MAP3K15: variants seen among roughly 807,000 people sequenced by gnomAD.
MAP3K15 encodes the protein mitogen-activated protein kinase kinase kinase 15, also known as MAPK/ERK kinase kinase 15.
A neutral mutation model predicts 99.5 loss-of-function variants in MAP3K15; 124 were observed. That is an observed-to-expected ratio of 1.25 (90% CI 1.08 to 1.45). The LOEUF (loss-of-function observed/expected upper bound fraction) is 1.45, where lower values mean the gene tolerates loss of function less well. MAP3K15 is among the 40% of genes most tolerant of loss of function. The probability of loss-of-function intolerance (pLI) is 0.00; values close to 1 mark genes in which losing one functional copy is unlikely to be tolerated. For synonymous variants in MAP3K15, 494 were observed against 439.6 expected, an observed-to-expected ratio of 1.12 and a Z score of -1.55; for missense variants, 1,242 against 1,079.7, an observed-to-expected ratio of 1.15 and a Z score of -2.11.
chrX:19,427,134 C>T (rs1304005534), intron 7 of MAP3K15, among the ~76,000 whole-genome samples: 1 of 102,178 alleles, frequency 9.8e-6, no homozygotes, highest in Non-Finnish European at 1.9e-5. Flanking sequence ...CCATCATGCA[C>T]ACACCTATGC....
At chrX:19,491,423 G>T (rs1429746728) in intron 1 of MAP3K15, among the ~76,000 whole-genome samples, 1 of 110,922 alleles carries the variant, frequency 9.0e-6, no homozygotes, top group Admixed American at 9.6e-5. Flanking sequence ...CAGAATGCCT[G>T]GAGGAAGGGA....
intron 25 of MAP3K15, among the ~76,000 whole-genome samples, chrX:19,363,271 T>C (rs779568900): frequency 3.6e-5 from 4 of 112,086 alleles, no homozygotes; most frequent in African/African-American, 6.5e-5. Flanking sequence ...TTCCACCATG[T>C]GAGGACACAC....
At chrX:19,437,448 C>T (rs1443994510) in intron 6 of MAP3K15, among the ~76,000 whole-genome samples, 1 of 111,612 alleles carries the variant, frequency 9.0e-6, no homozygotes, top group Non-Finnish European at 1.9e-5. Context: ...ACCTACTATG[C>T]TCCAGCTACA....
chrX:19,360,857 T>C (rs765707363), intron 28 of MAP3K15, 24 bp from the exon 29 acceptor site: 1 of 1,120,585 alleles, frequency 8.9e-7, no homozygotes, highest in Admixed American at 2.6e-5. Context: ...ACAGCTGTCT[T>C]CAGAGTCAGT....
At chrX:19,511,671 G>A (rs2064519723) in intron 1 of MAP3K15, among the ~76,000 whole-genome samples, 1 of 112,217 alleles carries the variant, frequency 8.9e-6, no homozygotes, top group Admixed American at 9.4e-5. Context: ...GGAAACAACA[G>A]ATGCTGGAGA....
intron 26 of MAP3K15, 175 bp from the exon 27 acceptor site, chrX:19,361,768 A>T: frequency 2.7e-6 from 1 of 372,129 alleles, no homozygotes. Flanking sequence ...TCTGAGATTC[A>T]CTTTCTAGAA....
chrX:19,365,813 C>T (rs1419058257), intron 25 of MAP3K15, among the ~76,000 whole-genome samples: 1 of 109,751 alleles, frequency 9.1e-6, no homozygotes, highest in Non-Finnish European at 1.9e-5. Flanking sequence ...TTGAGACCGG[C>T]CTGGCCAATA....
At chrX:19,479,707 T>G in intron 3 of MAP3K15, among the ~76,000 whole-genome samples, 1 of 112,499 alleles carries the variant, frequency 8.9e-6, no homozygotes, top group Non-Finnish European at 1.9e-5. Flanking sequence ...GCCTTGGGGT[T>G]GGCTGTATTT....
At chrX:19,406,118 G>A (rs1304111078) in intron 13 of MAP3K15, among the ~76,000 whole-genome samples, 3 of 111,717 alleles carry the variant, frequency 2.7e-5, no homozygotes, top group Non-Finnish European at 3.8e-5. Context: ...TGGCAAGGAC[G>A]TGGAGAAATT....
intron 1 of MAP3K15, among the ~76,000 whole-genome samples, chrX:19,502,954 G>T (rs1009925193): frequency 8.9e-6 from 1 of 111,917 alleles, no homozygotes; most frequent in African/African-American, 3.2e-5. Flanking sequence ...ACATAAATTT[G>T]AACGCAGCAA....
intron 3 of MAP3K15, among the ~76,000 whole-genome samples, chrX:19,470,100 A>G (rs1242825841): frequency 1.8e-5 from 2 of 112,065 alleles, no homozygotes; most frequent in Non-Finnish European, 3.8e-5. Context: ...ACACATGCAC[A>G]TGTATGTTTA....
At chrX:19,462,867 G>A (rs2064141476) in intron 4 of MAP3K15, among the ~76,000 whole-genome samples, 1 of 112,164 alleles carries the variant, frequency 8.9e-6, no homozygotes, top group Non-Finnish European at 1.9e-5. Context: ...GTCAGACACT[G>A]CCAGTTCAGA....
chrX:19,495,669 G>A (rs1299933325), intron 1 of MAP3K15, among the ~76,000 whole-genome samples: 1 of 111,533 alleles, frequency 9.0e-6, no homozygotes, highest in African/African-American at 3.3e-5. Flanking sequence ...GGGCTCAATG[G>A]GCTTAATTTG....
intron 13 of MAP3K15, among the ~76,000 whole-genome samples, chrX:19,403,580 T>G (rs1161136157): frequency 9.5e-6 from 1 of 105,798 alleles, no homozygotes; most frequent in Non-Finnish European, 1.9e-5. Flanking sequence ...CACTTCTGCC[T>G]CCTGAGTAGC....
At chrX:19,456,378 T>A (rs2147351321) in intron 6 of MAP3K15, among the ~76,000 whole-genome samples, 1 of 111,595 alleles carries the variant, frequency 9.0e-6, no homozygotes, top group African/African-American at 3.3e-5. Context: ...CACAAAAGAG[T>A]ACACACTGTG....
At chrX:19,419,331 C>T (rs757263689) in intron 9 of MAP3K15, among the ~76,000 whole-genome samples, 3 of 105,550 alleles carry the variant, frequency 2.8e-5, no homozygotes, top group African/African-American at 6.9e-5. Flanking sequence ...TCAAAATAAA[C>T]GGATGGAGGA....
intron 19 of MAP3K15, 152 bp downstream of exon 19, chrX:19,379,968 T>G: frequency 1.7e-6 from 1 of 573,950 alleles, no homozygotes. Flanking sequence ...TTGCCTGTGA[T>G]GCACCTCGCA....
intron 6 of MAP3K15, among the ~76,000 whole-genome samples, chrX:19,440,121 T>C (rs767183025): frequency 4.5e-5 from 5 of 111,694 alleles, no homozygotes; most frequent in African/African-American, 1.6e-4. Context: ...TCACGATTGT[T>C]CCAGGTGATC....
intron 7 of MAP3K15, 95 bp downstream of exon 7, chrX:19,431,343 A>C (rs2063879546): frequency 2.5e-6 from 2 of 804,438 alleles, no homozygotes; most frequent in East Asian, 6.8e-5. Context: ...GCCAACAGAC[A>C]GACATATACA....
Sources: allele counts gnomAD v4.1 joint callset (sites outside exome capture counted in the v4.1 genomes callset), GRCh38; gene constraint gnomAD v4.1.1; transcripts MANE v1.5; gene names NCBI Gene and HGNC (gene_info 2026-07-23, HGNC 2026-07-21).